Variants in FSIP1 observed in about 807,000 individuals in gnomAD.
FSIP1 encodes fibrous sheath interacting protein 1.
In FSIP1, 65 loss-of-function variants were observed where a neutral mutation model predicts 60.9. The ratio of observed to expected loss-of-function variants is 1.07; its 90% CI spans 0.87 to 1.31. The LOEUF is 1.31. Ranked by LOEUF, FSIP1 falls within the 40% of genes most tolerant of loss-of-function variation. The pLI is 0.00. For synonymous variants in FSIP1, 209 were observed against 221.2 expected, an observed-to-expected ratio of 0.94 and a Z score of 0.49; for missense variants, 675 against 665.5, an observed-to-expected ratio of 1.01 and a Z score of -0.16.
At chr15:39,612,927 T>A (rs1189765128) in intron 11 of FSIP1, among the ~76,000 whole-genome samples, 2 of 151,974 alleles carry the variant, frequency 1.3e-5, no homozygotes, top group Non-Finnish European at 1.5e-5. Flanking sequence ...TTATGATACA[T>A]CATAAGATAC....
chr15:39,696,819 G>A (rs1014917309), intron 10 of FSIP1, among the ~76,000 whole-genome samples: 1 of 150,918 alleles, frequency 6.6e-6, no homozygotes, highest in African/African-American at 2.4e-5. Flanking sequence ...GGAAGGAGAG[G>A]AGAGGGAAGG....
intron 3 of FSIP1, among the ~76,000 whole-genome samples, chr15:39,769,706 G>A (rs1897817912): frequency 6.6e-6 from 1 of 152,164 alleles, no homozygotes; most frequent in Non-Finnish European, 1.5e-5. Flanking sequence ...CTGATTCATA[G>A]CCAGTGACAC....
At chr15:39,622,301 C>T (rs552568989) in intron 10 of FSIP1, among the ~76,000 whole-genome samples, 152 of 152,288 alleles carry the variant, frequency 1.0e-3, no homozygotes, top group Non-Finnish European at 1.7e-3. Flanking sequence ...CCTCATTTTT[C>T]CAGGCCAGAA....
At position 39,624,868 on chromosome 15, in the gene FSIP1, A is replaced by G. The variant is rs143589452; in HGVS notation, c.1189-6623T>C. On this transcript the variant is annotated intron_variant, in intron 10 of 11. Coordinates refer to ENST00000350221, the MANE Select transcript of FSIP1 (RefSeq NM_152597.5). Reference sequence around the variant, plus strand: ...AGCAAATATCATTGCCAGAGAAACTATGTAAACCACCATCAAGAGTGAGGG... The same window carrying G: ...AGCAAATATCATTGCCAGAGAAACTGTGTAAACCACCATCAAGAGTGAGGG... Among the ~76,000 whole-genome samples the G allele has an allele frequency of 9.0e-3, 1,378 of 152,332 alleles. 14 individuals are homozygous for G. The highest frequency in any genetic ancestry group is 0.011 in the Non-Finnish European group (762 of 68,022).
intron 10 of FSIP1, among the ~76,000 whole-genome samples, chr15:39,626,970 AC>A (rs1374150292): frequency 6.7e-6 from 1 of 148,200 alleles, no homozygotes; most frequent in Non-Finnish European, 1.5e-5. Context: ...CACTATCTGG[AC>A]CCTTCCCCCC....
chr15:39,617,732 C>T lies in FSIP1; in HGVS notation c.1699+3G>A, dbSNP rs1179243850. On this transcript the variant is annotated splice_donor_region_variant and intron_variant, in intron 11 of 11. Transcript: ENST00000350221. ...ACCAAAACACATGTTCGCCAAGCCT[C>T]ACCTGCTATTGTATTCTCTGGAGAA... 2 of 1,605,464 alleles carry T rather than the reference C, an allele frequency of 1.2e-6. No homozygotes were observed. Among genetic ancestry groups the T allele is most frequent in the African/African-American group, 2.7e-5 (2 of 74,590 alleles).
chr15:39,746,126 A>T (rs557458933), intron 5 of FSIP1, among the ~76,000 whole-genome samples: 1 of 152,288 alleles, frequency 6.6e-6, no homozygotes, highest in East Asian at 1.9e-4. Flanking sequence ...CACGATGTTG[A>T]ATGAAACAAT....
chr15:39,618,167 T>C lies in FSIP1; in HGVS notation c.1267A>G (p.Ile423Val), dbSNP rs1038833377. ...TTTTTTCTTTCTGAAGAAAGTTTAA[T>C]GATGGATTTTTGTTTAAGTATGCAT... ...DECILKQKSI[I>V]KLSSERKKED... Residue 423 changes from isoleucine (I) to valine (V), a missense_variant, in exon 11 of 12, where the codon ATT becomes GTT. Transcript: ENST00000350221. 3.1e-6 allele frequency: 5 copies of C among 1,614,000 alleles called. No individual in the cohort carries two copies. The highest frequency in any genetic ancestry group is 4.5e-5 in the East Asian group (2 of 44,886).
intron 10 of FSIP1, among the ~76,000 whole-genome samples, chr15:39,627,509 C>A (rs1312530137): frequency 3.3e-5 from 5 of 152,212 alleles, no homozygotes; most frequent in Non-Finnish European, 4.4e-5. Flanking sequence ...AGAGGGAAGG[C>A]AGTGAAGGAG....
rs375401608 is a variant in FSIP1, at chr15:39,775,354, AT to A, written c.126+1044del. ...AATCTAGTCTACAAACAAAAAAAAA[AT>A]GAGTATGAATTCATTAACTTGCCAA... On this transcript the variant is annotated intron_variant, in intron 2 of 11. Coordinates refer to ENST00000350221, the MANE Select transcript of FSIP1 (RefSeq NM_152597.5). 5.9e-5 allele frequency among the ~76,000 whole-genome samples: 9 copies of A among 152,264 alleles called. 1 individual carries two copies. Among genetic ancestry groups the A allele is most frequent in the African/African-American group, 7.2e-5 (3 of 41,562 alleles).
intron 11 of FSIP1, among the ~76,000 whole-genome samples, chr15:39,610,599 G>A (rs887807376): frequency 2.6e-5 from 4 of 152,240 alleles, no homozygotes; most frequent in Middle Eastern, 3.2e-3. Context: ...CCAGGAGGCA[G>A]AGGCTGCAGT....
At chr15:39,779,773 T>C (rs1031126148) in intron 1 of FSIP1, among the ~76,000 whole-genome samples, 3 of 152,344 alleles carry the variant, frequency 2.0e-5, no homozygotes, top group South Asian at 2.1e-4. Flanking sequence ...TAGAGGCTTC[T>C]GAGAAATGCA....
intron 5 of FSIP1, among the ~76,000 whole-genome samples, chr15:39,747,058 TCCTTCCTCTTTCCTCCCTCTCTC>T (rs1397789826): frequency 2.9e-5 from 4 of 138,012 alleles, no homozygotes; most frequent in Admixed American, 1.0e-4. Context: ...CTTCCTTTCT[TCCTTCCTCTTTCCTCCCTCTCTC>T]CCTTTCTTCC....
intron 9 of FSIP1, among the ~76,000 whole-genome samples, chr15:39,725,943 C>A (rs571113236): frequency 6.6e-6 from 1 of 152,216 alleles, no homozygotes; most frequent in African/African-American, 2.4e-5. Flanking sequence ...CACCACCACA[C>A]CCAGCTAATT....
chr15:39,702,342 T>C (rs1423301033), intron 10 of FSIP1, among the ~76,000 whole-genome samples: 1 of 119,100 alleles, frequency 8.4e-6, no homozygotes, highest in African/African-American at 3.2e-5. Context: ...AATGGTCACT[T>C]ACCCCTCCTG....
intron 5 of FSIP1, among the ~76,000 whole-genome samples, chr15:39,745,872 G>A (rs1896975408): frequency 6.6e-6 from 1 of 152,086 alleles, no homozygotes; most frequent in South Asian, 2.1e-4. Flanking sequence ...TTGAGCTCAG[G>A]AGTTTAAGGC....
intron 10 of FSIP1, among the ~76,000 whole-genome samples, chr15:39,676,868 A>C (rs1008489928): frequency 2.6e-5 from 4 of 152,224 alleles, no homozygotes; most frequent in Admixed American, 2.0e-4. Context: ...TACATGACTT[A>C]TCCACACTGA....
intron 5 of FSIP1, among the ~76,000 whole-genome samples, chr15:39,744,388 T>C (rs1896914582): frequency 6.6e-6 from 1 of 152,210 alleles, no homozygotes; most frequent in South Asian, 2.1e-4. Context: ...GGATGTGATT[T>C]AAATTGCTTC....
At chr15:39,705,622 C>T (rs903781041) in intron 10 of FSIP1, among the ~76,000 whole-genome samples, 7 of 151,986 alleles carry the variant, frequency 4.6e-5, no homozygotes, top group South Asian at 2.1e-4. Flanking sequence ...CGCCAATATA[C>T]GAATATATAT....
Sources: gnomAD v4.1 joint callset for allele counts (sites outside exome capture counted in the v4.1 genomes callset) on GRCh38, gnomAD v4.1.1 for gene constraint, MANE v1.5 for transcripts, NCBI Gene and HGNC (gene_info 2026-07-23, HGNC 2026-07-21) for gene names.